MAPRE2: variants seen among roughly 807,000 people sequenced by gnomAD.
MAPRE2 encodes microtubule associated protein RP/EB family member 2.
A neutral mutation model predicts 43.2 loss-of-function variants in MAPRE2; 13 were observed. That is an observed-to-expected ratio of 0.30 (90% confidence interval 0.20 to 0.48). The LOEUF (loss-of-function observed/expected upper bound fraction) is 0.48. MAPRE2 is among the 20% of genes least tolerant of loss of function. The pLI is 0.99. For missense variants in MAPRE2, 161 were observed against 400.2 expected, an observed-to-expected ratio of 0.40 and a Z score of 5.10; for synonymous variants, 135 against 148.8, an observed-to-expected ratio of 0.91 and a Z score of 0.68.
chr18:35,089,124 G>A (rs915758537), intron 2 of MAPRE2, among the ~76,000 whole-genome samples: 7 of 152,204 alleles, frequency 4.6e-5, no homozygotes, highest in Non-Finnish European at 7.4e-5. Flanking sequence ...GAGGATAGCA[G>A]CAGGAATGAC....
chr18:35,011,212 G>A (rs1441090406), intron 2 of MAPRE2, among the ~76,000 whole-genome samples: 2 of 152,174 alleles, frequency 1.3e-5, no homozygotes, highest in African/African-American at 4.8e-5. Flanking sequence ...CAACAGCTAA[G>A]CCAGAACTGG....
At chr18:35,040,654 A>G (rs2097053203), upstream of MAPRE2, among the ~76,000 whole-genome samples, 1 of 152,260 alleles carries the variant, frequency 6.6e-6, no homozygotes, top group Non-Finnish European at 1.5e-5. Context: ...ATGGAAATAG[A>G]ATAAATGTCA....
intron 4 of MAPRE2, among the ~76,000 whole-genome samples, chr18:35,123,182 C>G (rs1909764820): frequency 6.6e-6 from 1 of 152,222 alleles, no homozygotes; most frequent in Non-Finnish European, 1.5e-5. Flanking sequence ...ACCCCTTCTA[C>G]ATCTTATCAA....
Position 35,070,185 on chromosome 18 carries a change from T to G in MAPRE2, c.123-10T>G, listed in dbSNP as rs542535533. The G allele has an allele frequency of 6.3e-7, 1 of 1,577,864 alleles. No homozygotes were observed. The highest frequency in any genetic ancestry group is 8.6e-7 in the Non-Finnish European group (1 of 1,167,086). On this transcript the variant is annotated splice_polypyrimidine_tract_variant and intron_variant, in intron 1 of 6. Transcript: ENST00000300249. ...TCCTTGTTGTTAAATAAACTTTGTT[T>G]TTTTTCTAGTTGGGGAATGGCGGTC...
chr18:35,100,869 G>A lies in MAPRE2; in HGVS notation c.397-1077G>A, dbSNP rs113571756. ...CAGTCTGGCCAACATGTGAAACCCC[G>A]TCTCTACTAATAAACAAAAATTAGC... is the stretch of plus-strand genomic sequence containing the variant. On this transcript the variant is annotated intron_variant, in intron 3 of 6. Coordinates refer to ENST00000300249, the MANE Select transcript of MAPRE2 (RefSeq NM_014268.4). Among the ~76,000 whole-genome samples, 643 of 152,072 alleles carry A rather than the reference G, an allele frequency of 4.2e-3. 4 individuals are homozygous for A. The highest frequency in any genetic ancestry group is 0.014 in the African/African-American group (595 of 41,462).
chr18:35,057,993 T>C (rs1906324184), intron 1 of MAPRE2, among the ~76,000 whole-genome samples: 1 of 152,222 alleles, frequency 6.6e-6, no homozygotes, highest in Admixed American at 6.5e-5. Flanking sequence ...CTGTCTTGTA[T>C]ATAATTTGCA....
At chr18:35,113,645 C>G (rs889754432) in intron 4 of MAPRE2, among the ~76,000 whole-genome samples, 11 of 152,334 alleles carry the variant, frequency 7.2e-5, no homozygotes, top group African/African-American at 2.2e-4. Flanking sequence ...GTAGTCCCAG[C>G]TCTTTGGGAG....
At chr18:35,130,861 T>G (rs1910115004) in intron 5 of MAPRE2, among the ~76,000 whole-genome samples, 1 of 152,186 alleles carries the variant, frequency 6.6e-6, no homozygotes, top group South Asian at 2.1e-4. Context: ...AGGGTTTCTT[T>G]AGCTCTGGGT....
chr18:35,067,471 TTTCTC>T (rs1287137312), intron 1 of MAPRE2, among the ~76,000 whole-genome samples: 1 of 152,248 alleles, frequency 6.6e-6, no homozygotes, highest in African/African-American at 2.4e-5. Flanking sequence ...TGTATATTAA[TTTCTC>T]TTATGTAACC....
intron 4 of MAPRE2, among the ~76,000 whole-genome samples, chr18:35,102,438 T>C (rs1292597245): frequency 6.6e-6 from 1 of 152,236 alleles, no homozygotes; most frequent in Non-Finnish European, 1.5e-5. Flanking sequence ...TAGATTTCTT[T>C]TTCCTTTTAG....
chr18:35,034,006 A>G (rs1158309199), intron 2 of MAPRE2, among the ~76,000 whole-genome samples: 4 of 151,754 alleles, frequency 2.6e-5, no homozygotes, highest in African/African-American at 9.7e-5. Context: ...AGAATTGGAA[A>G]AAACTACTTT....
At chr18:35,099,449 T>C (rs1304113014) in intron 3 of MAPRE2, among the ~76,000 whole-genome samples, 1 of 152,096 alleles carries the variant, frequency 6.6e-6, no homozygotes, top group Non-Finnish European at 1.5e-5. Flanking sequence ...ACCCCATCTC[T>C]ACAAAATTTT....
intron 2 of MAPRE2, among the ~76,000 whole-genome samples, chr18:35,075,233 G>A (rs1907290686): frequency 3.3e-5 from 5 of 152,194 alleles, no homozygotes; most frequent in Admixed American, 3.3e-4. Context: ...CCTGGGACCC[G>A]TGGTGCAGGT....
intron 1 of MAPRE2, among the ~76,000 whole-genome samples, chr18:34,998,325 T>C (rs1222385916): frequency 2.6e-4 from 25 of 95,922 alleles, no homozygotes; most frequent in East Asian, 1.5e-3. Context: ...TTCTCTCTCT[T>C]TTTTTTTTTT....
chr18:35,056,804 AC>A (rs1568987000), intron 1 of MAPRE2, among the ~76,000 whole-genome samples: 3 of 152,212 alleles, frequency 2.0e-5, no homozygotes, highest in African/African-American at 7.2e-5. Flanking sequence ...GTTTAACAAA[AC>A]ATTCTCAATT....
chr18:35,069,250 A>G (rs1356525836), intron 1 of MAPRE2, among the ~76,000 whole-genome samples: 1 of 152,228 alleles, frequency 6.6e-6, no homozygotes, highest in East Asian at 1.9e-4. Context: ...AGAATGTATC[A>G]AAGAATCATA....
upstream of MAPRE2, among the ~76,000 whole-genome samples, chr18:35,041,183 G>A (rs1288485132): frequency 6.6e-6 from 1 of 152,250 alleles, no homozygotes; most frequent in Admixed American, 6.5e-5. Context: ...TGCGAGGGGG[G>A]CTGCAGGGTG....
intron 1 of MAPRE2, chr18:34,978,540 A>T (rs1481458020): frequency 1.3e-6 from 2 of 1,551,690 alleles, no homozygotes; most frequent in Non-Finnish European, 1.7e-6. Context: ...AGAGATCAAA[A>T]GGTAATCTGA....
chr18:35,121,681 G>A (rs1445128317), intron 4 of MAPRE2, among the ~76,000 whole-genome samples: 2 of 152,154 alleles, frequency 1.3e-5, no homozygotes, highest in African/African-American at 2.4e-5. Context: ...TGCACTCTCT[G>A]TAAAAGCTGT....
Sources: gnomAD v4.1 joint callset for allele counts (sites outside exome capture counted in the v4.1 genomes callset) on GRCh38, gnomAD v4.1.1 for gene constraint, MANE v1.5 for transcripts, NCBI Gene and HGNC (gene_info 2026-07-23, HGNC 2026-07-21) for gene names.